The following SLC8A3 variants were observed in gnomAD, a reference collection of about 807,000 sequenced individuals.
SLC8A3 encodes sodium/calcium exchanger 3.
SLC8A3 carries 37 observed loss-of-function variants against 65.4 expected under a neutral mutation model. The ratio of observed to expected loss-of-function variants is 0.57; its 90% CI spans 0.44 to 0.74. The LOEUF is 0.74. Among genes scored for constraint, SLC8A3 ranks in the 30% least tolerant of loss-of-function variants. The pLI is 0.00. For missense variants in SLC8A3, 1,112 were observed against 1,172.1 expected, an observed-to-expected ratio of 0.95 and a Z score of 0.75; for synonymous variants, 461 against 444.5, an observed-to-expected ratio of 1.04 and a Z score of -0.47.
intron 1 of SLC8A3, among the ~76,000 whole-genome samples, chr14:70,177,860 C>G (rs532107158): frequency 2.6e-5 from 4 of 152,220 alleles, no homozygotes; most frequent in African/African-American, 9.6e-5. Flanking sequence ...AGTGTGGGAA[C>G]AGGATAGGTG....
At chr14:70,154,112 T>C (rs1176850120) in intron 2 of SLC8A3, among the ~76,000 whole-genome samples, 1 of 152,238 alleles carries the variant, frequency 6.6e-6, no homozygotes, top group Non-Finnish European at 1.5e-5. Context: ...TACCCCTATG[T>C]TAAAAGGAAA....
intron 2 of SLC8A3, among the ~76,000 whole-genome samples, chr14:70,155,802 G>A (rs966646133): frequency 6.6e-6 from 1 of 152,158 alleles, no homozygotes; most frequent in Non-Finnish European, 1.5e-5. Flanking sequence ...AACAATGAGT[G>A]CCCAATAATT....
chr14:70,105,632 T>C (rs1892820618), intron 2 of SLC8A3, among the ~76,000 whole-genome samples: 1 of 152,210 alleles, frequency 6.6e-6, no homozygotes, highest in African/African-American at 2.4e-5. Flanking sequence ...TAAGTCCAAA[T>C]AGTTTCTCTG....
chr14:70,162,286 C>T (rs1896939863), intron 2 of SLC8A3, among the ~76,000 whole-genome samples: 1 of 152,132 alleles, frequency 6.6e-6, no homozygotes, highest in South Asian at 2.1e-4. Context: ...CTTCTAAAGT[C>T]CTTTCAAACC....
intron 2 of SLC8A3, among the ~76,000 whole-genome samples, chr14:70,144,381 G>A (rs1895784794): frequency 1.6e-5 from 2 of 128,324 alleles, no homozygotes; most frequent in South Asian, 2.5e-4. Flanking sequence ...TGTAATCCCA[G>A]CACTTTGGAA....
At chr14:70,186,093 A>C (rs1883187754) in intron 1 of SLC8A3, among the ~76,000 whole-genome samples, 1 of 152,182 alleles carries the variant, frequency 6.6e-6, no homozygotes, top group Admixed American at 6.5e-5. Flanking sequence ...GAAGTAATTG[A>C]ATCATGGGGG....
chr14:70,130,292 T>C (rs1026179175), intron 2 of SLC8A3, among the ~76,000 whole-genome samples: 1 of 152,242 alleles, frequency 6.6e-6, no homozygotes, highest in Non-Finnish European at 1.5e-5. Context: ...TCAACTCACC[T>C]GACGTTCACC....
chr14:70,170,381 G>T (rs1266653913), intron 1 of SLC8A3, among the ~76,000 whole-genome samples: 2 of 152,052 alleles, frequency 1.3e-5, no homozygotes, highest in African/African-American at 2.4e-5. Flanking sequence ...TTGAAATGAG[G>T]GTTTCTTCTT....
chr14:70,150,048 G>T (rs1051640074), intron 2 of SLC8A3, among the ~76,000 whole-genome samples: 1 of 152,124 alleles, frequency 6.6e-6, no homozygotes, highest in Non-Finnish European at 1.5e-5. Flanking sequence ...TCCCGGGATT[G>T]GGGAGGGAAT....
chr14:70,081,127 C>G (rs956491753), intron 2 of SLC8A3, among the ~76,000 whole-genome samples: 5 of 152,226 alleles, frequency 3.3e-5, no homozygotes, highest in African/African-American at 1.2e-4. Context: ...AGCCGAGACA[C>G]TCAAGTTGAA....
chr14:70,129,315 G>A (rs1251885258), intron 2 of SLC8A3, among the ~76,000 whole-genome samples: 1 of 152,124 alleles, frequency 6.6e-6, no homozygotes, highest in African/African-American at 2.4e-5. Flanking sequence ...CTGGACACAG[G>A]GTGAAGGAGG....
chr14:70,151,394 AT>A (rs1483053937), intron 2 of SLC8A3, among the ~76,000 whole-genome samples: 1 of 152,158 alleles, frequency 6.6e-6, no homozygotes, highest in Non-Finnish European at 1.5e-5. Flanking sequence ...GTGGCCATTT[AT>A]TTTTCAACCC....
chr14:70,103,692 C>CA (rs991405191), intron 2 of SLC8A3, among the ~76,000 whole-genome samples: 2,373 of 148,960 alleles, frequency 0.016, 66 homozygotes, highest in African/African-American at 0.054. Context: ...AAATGGAATA[C>CA]AAAAAAAAAA....
At chr14:70,162,573 G>C (rs999136312) in intron 2 of SLC8A3, among the ~76,000 whole-genome samples, 1 of 152,148 alleles carries the variant, frequency 6.6e-6, no homozygotes, top group South Asian at 2.1e-4. Flanking sequence ...AGGCATCAAA[G>C]GTCCAAGAGC....
At chr14:70,093,071 A>C (rs1891913869) in intron 2 of SLC8A3, among the ~76,000 whole-genome samples, 1 of 152,226 alleles carries the variant, frequency 6.6e-6, no homozygotes, top group Admixed American at 6.5e-5. Context: ...GAGCAAGCAC[A>C]TGTCATAATG....
At chr14:70,091,005 AC>A (rs1236967618) in intron 2 of SLC8A3, among the ~76,000 whole-genome samples, 3 of 152,192 alleles carry the variant, frequency 2.0e-5, no homozygotes, top group Non-Finnish European at 4.4e-5. Context: ...CCAGTTGACA[AC>A]CCCTGGACTA....
chr14:70,124,733 A>G (rs1894327156), intron 2 of SLC8A3, among the ~76,000 whole-genome samples: 2 of 152,248 alleles, frequency 1.3e-5, no homozygotes, highest in East Asian at 1.9e-4. Flanking sequence ...CCAGACATAC[A>G]TGTATAATCT....
In SLC8A3 at chr14:70,124,292, C is replaced by T. The variant is rs756965588; in HGVS notation, c.1784+42347G>A. Reference sequence around the variant, plus strand: ...TAATGTCTGCTCTAAATCCAGTGACCACCCCTTGCCTCTCTCTTCAGTAAT... The same window carrying T: ...TAATGTCTGCTCTAAATCCAGTGACTACCCCTTGCCTCTCTCTTCAGTAAT... On this transcript the variant is annotated intron_variant, in intron 2 of 6. Transcript: ENST00000356921. Among the ~76,000 whole-genome samples the T allele has an allele frequency of 6.2e-4, 95 of 152,176 alleles. 2 individuals are homozygous for T. Among genetic ancestry groups the T allele is most frequent in the Non-Finnish European group, 8.8e-5 (6 of 68,032 alleles).
chr14:70,146,154 C>T (rs1895914412), intron 2 of SLC8A3, among the ~76,000 whole-genome samples: 1 of 152,140 alleles, frequency 6.6e-6, no homozygotes, highest in South Asian at 2.1e-4. Context: ...CCACCCGTAG[C>T]CAGCTCTAAC....
Sources: allele counts gnomAD v4.1 joint callset (sites outside exome capture counted in the v4.1 genomes callset), GRCh38; gene constraint gnomAD v4.1.1; transcripts MANE v1.5; gene names NCBI Gene and HGNC (gene_info 2026-07-23, HGNC 2026-07-21).